SRSF3: variants seen among roughly 807,000 people sequenced by gnomAD.
The protein encoded by SRSF3 is serine/arginine-rich splicing factor 3.
For missense variants in SRSF3, 58 were observed against 217.1 expected, an observed-to-expected ratio of 0.27 and a Z score of 4.61; for synonymous variants, 87 against 73.6, an observed-to-expected ratio of 1.18 and a Z score of -0.93.
At chr6:36,597,601 GC>G (rs1374112224) in intron 2 of SRSF3, among the ~76,000 whole-genome samples, 2 of 151,918 alleles carry the variant, frequency 1.3e-5, no homozygotes, top group African/African-American at 4.8e-5. Flanking sequence ...TGACCTCCAT[GC>G]CCCCACCCCC....
chr6:36,604,621 C>G lies in SRSF3; in HGVS notation c.*2632C>G. ...AACGTGATCCCGTCAGCGTCCATGA[C>G]ACTCCCACCCTGTTAGACTGCTGTC... On this transcript the variant is annotated 3_prime_UTR_variant, in exon 6 of 6. Transcript: ENST00000373715. 6.0e-6 allele frequency: 1 copy of G among 167,966 alleles called. No individual in the cohort carries two copies. Among genetic ancestry groups the G allele is most frequent in the Non-Finnish European group, 1.3e-5 (1 of 77,042 alleles). The allele number at this position is 167,966 out of a possible 1,614,324, so 10.4% of individuals were successfully genotyped here. A position where few individuals can be genotyped will look rare whatever the true frequency, so the allele number is the denominator to read the frequency against.
chr6:36,599,551 A>C (rs1473150944), intron 3 of SRSF3: 1 of 263,890 alleles, frequency 3.8e-6, no homozygotes, highest in Non-Finnish European at 7.7e-6. Flanking sequence ...TGGACCAGGC[A>C]GTATTGTCTG....
chr6:36,596,215 G>A (rs1463133056), intron 1 of SRSF3, among the ~76,000 whole-genome samples: 1 of 152,064 alleles, frequency 6.6e-6, no homozygotes, highest in Non-Finnish European at 1.5e-5. Context: ...GAGCCGCCGC[G>A]CCCGGTCCAT....
At position 36,597,536 on chromosome 6, in the gene SRSF3, T is replaced by C. The variant is rs771848433; in HGVS notation, c.206+568T>C. Among the ~76,000 whole-genome samples, 17 of 152,236 alleles carry C rather than the reference T, an allele frequency of 1.1e-4. 1 individual carries two copies. The highest frequency in any genetic ancestry group is 2.4e-5 in the African/African-American group (1 of 41,466). On this transcript the variant is annotated intron_variant, in intron 2 of 5. Coordinates refer to ENST00000373715, the MANE Select transcript of SRSF3 (RefSeq NM_003017.5). The stretch of plus-strand genomic sequence containing the variant: ...ATACTCCAGAAAGTGAATCACTTAC[T>C]ATTTCCCTTTGTGTTAATAGTGTCC...
intron 3 of SRSF3, chr6:36,599,702 C>T (rs537973562): frequency 1.3e-6 from 1 of 793,794 alleles, no homozygotes; most frequent in South Asian, 1.4e-5. Flanking sequence ...CAACAGCACA[C>T]TGTTGCCCAT....
chr6:36,597,664 T>C (rs1183898277), intron 2 of SRSF3, among the ~76,000 whole-genome samples: 1 of 152,078 alleles, frequency 6.6e-6, no homozygotes, highest in African/African-American at 2.4e-5. Context: ...GTGTTCACTG[T>C]AAAGCTGCAT....
At chr6:36,599,039 G>A (rs1778676727) in intron 3 of SRSF3, 56 bp downstream of exon 3, 3 of 1,582,824 alleles carry the variant, frequency 1.9e-6, no homozygotes, top group African/African-American at 1.4e-5. Context: ...GCTAGTAGGA[G>A]CAGGTATTTC....
intron 3 of SRSF3, 122 bp downstream of exon 3, chr6:36,599,105 C>A: frequency 7.9e-7 from 1 of 1,264,118 alleles, no homozygotes. Flanking sequence ...TTCTGTGAAA[C>A]ATTTGTTGGG....
At chr6:36,601,827 T>C (rs1484515523) in intron 5 of SRSF3, 33 bp downstream of exon 5, 2 of 1,603,850 alleles carry the variant, frequency 1.2e-6, no homozygotes, top group Non-Finnish European at 1.7e-6. Context: ...TTTAAGACTT[T>C]GCATACATAG....
In SRSF3 at chr6:36,603,782, G is replaced by GC; in HGVS notation, c.*1795dup. ...CCAAGATAGCTAAGAAGTTACGGAA[G>GC]CCATGCAATATGTCAATTACATTGC... is the stretch of plus-strand genomic sequence containing the variant. On this transcript the variant is annotated 3_prime_UTR_variant, in exon 6 of 6. Transcript: ENST00000373715. 1 of 231,626 alleles carries GC rather than the reference G, an allele frequency of 4.3e-6. No homozygotes were observed. Among genetic ancestry groups the GC allele is most frequent in the Non-Finnish European group, 8.5e-6 (1 of 117,044 alleles). 14.3% of individuals were successfully genotyped at this position (231,626 alleles called of 1,614,324 possible).
At chr6:36,598,556 G>A in intron 2 of SRSF3, 1 of 269,094 alleles carries the variant, frequency 3.7e-6, no homozygotes, top group Non-Finnish European at 7.2e-6. Context: ...GCTATTTTTT[G>A]TATTTTTAGT....
At chr6:36,597,136 TG>T in intron 2 of SRSF3, 168 bp downstream of exon 2, 1 of 638,522 alleles carries the variant, frequency 1.6e-6, no homozygotes. Flanking sequence ...AGACGAGTCT[TG>T]CACTGTCACT....
rs1778637480 is a variant in SRSF3, at chr6:36,596,757, A to G, written c.-2-4A>G. 6.2e-7 allele frequency: 1 copy of G among 1,613,324 alleles called. No individual in the cohort carries two copies. The highest frequency in any genetic ancestry group is 8.5e-7 in the Non-Finnish European group (1 of 1,179,452). On this transcript the variant is annotated splice_region_variant and splice_polypyrimidine_tract_variant and intron_variant, in intron 1 of 5. Coordinates refer to ENST00000373715, the MANE Select transcript of SRSF3 (RefSeq NM_003017.5). ...ATGAATATTTTTGGTATTTTTCATT[A>G]CAGAAATGCATCGTGATTCCTGTCC...
Position 36,604,559 on chromosome 6 carries a change from C to CTG in SRSF3, c.*2574_*2575dup, listed in dbSNP as rs544508541. On this transcript the variant is annotated 3_prime_UTR_variant, in exon 6 of 6. Transcript: ENST00000373715. ...TGTAGTTTTACCAAGCACAGGTACC[C>CTG]TGTGTCTACCATTTGAGTATCTTAG... The CTG allele has an allele frequency of 6.4e-3, 1,121 of 176,032 alleles. 6 individuals are homozygous for CTG. Among genetic ancestry groups the CTG allele is most frequent in the Non-Finnish European group, 9.9e-3 (806 of 81,580 alleles). The allele number at this position is 176,032 out of a possible 1,614,324, so 10.9% of individuals were successfully genotyped here.
At chr6:36,595,933 T>C (rs191323262) in intron 1 of SRSF3, among the ~76,000 whole-genome samples, 1 of 97,048 alleles carries the variant, frequency 1.0e-5, no homozygotes, top group Non-Finnish European at 2.4e-5. Context: ...TTATTTGTGG[T>C]TTTTTTTTGG....
chr6:36,595,378 A>G (rs922024699), intron 1 of SRSF3, among the ~76,000 whole-genome samples: 3 of 152,240 alleles, frequency 2.0e-5, no homozygotes, highest in African/African-American at 4.8e-5. Flanking sequence ...AAGTGAAATT[A>G]TCTTTAAGTG....
At chr6:36,601,026 TG>T (rs1562013474) in intron 3 of SRSF3, 125 bp from the exon 4 acceptor site, 10 of 315,686 alleles carry the variant, frequency 3.2e-5, no homozygotes, top group South Asian at 7.1e-5. Context: ...TTTTTTTTTT[TG>T]GACGATGGGT....
intron 1 of SRSF3, 135 bp from the exon 2 acceptor site, chr6:36,596,626 C>A (rs1778634621): frequency 1.5e-6 from 1 of 665,878 alleles, no homozygotes. Context: ...TGGTTTCTAG[C>A]ATTTTTGTAA....
chr6:36,597,250 C>G, intron 2 of SRSF3: 1 of 443,578 alleles, frequency 2.3e-6, no homozygotes, highest in Non-Finnish European at 4.1e-6. Flanking sequence ...GGACTACAGG[C>G]GTGTGCCATC....
Sources: gnomAD v4.1 joint callset for allele counts (sites outside exome capture counted in the v4.1 genomes callset) on GRCh38, gnomAD v4.1.1 for gene constraint, MANE v1.5 for transcripts, NCBI Gene and HGNC (gene_info 2026-07-23, HGNC 2026-07-21) for gene names.